KCNAB1: variants seen among roughly 807,000 people sequenced by gnomAD.
KCNAB1 encodes the protein voltage-gated potassium channel subunit beta-1.
A neutral mutation model predicts 64.6 loss-of-function variants in KCNAB1; 35 were observed. The ratio of observed to expected loss-of-function variants is 0.54; its 90% confidence interval spans 0.41 to 0.72. The LOEUF (loss-of-function observed/expected upper bound fraction) is 0.72, where lower values mean the gene tolerates loss of function less well. Ranked by LOEUF, KCNAB1 falls within the 30% of genes least tolerant of loss-of-function variation. The probability of loss-of-function intolerance (pLI) is 0.00; values close to 1 mark genes in which losing one functional copy is unlikely to be tolerated. For synonymous variants in KCNAB1, 177 were observed against 183.8 expected (o/e 0.96, Z 0.30); for missense variants, 401 against 512.9 (o/e 0.78, Z 2.11).
chr3:156,427,568 G>T (rs1452667785), intron 2 of KCNAB1, among the ~76,000 whole-genome samples: 1 of 152,160 alleles, frequency 6.6e-6, no homozygotes, highest in Non-Finnish European at 1.5e-5. Context: ...CAATTGCTAA[G>T]AAATGACAAA....
At chr3:156,248,054 C>A (rs1717572873) in intron 1 of KCNAB1, among the ~76,000 whole-genome samples, 1 of 152,144 alleles carries the variant, frequency 6.6e-6, no homozygotes, top group Non-Finnish European at 1.5e-5. Flanking sequence ...TCTTTTATCT[C>A]CCCAGTTCAT....
chr3:156,291,007 G>A (rs2107967212), intron 1 of KCNAB1: 1 of 985,748 alleles, frequency 1.0e-6, no homozygotes, highest in Non-Finnish European at 1.2e-6. Flanking sequence ...CGTGTTCCGC[G>A]GCATAAGCAC....
At position 156,194,417 on chromosome 3, in the gene KCNAB1, G is replaced by A. The variant is rs144259552; in HGVS notation, c.275+73531G>A. ...CTTCCACTATTTTCTGGCTTACATTGTTTCCTGTAATAAATCTATTCTCAT... is the reference window on the plus strand; with the variant it reads ...CTTCCACTATTTTCTGGCTTACATTATTTCCTGTAATAAATCTATTCTCAT... On this transcript the variant is annotated intron_variant, in intron 1 of 13. Coordinates refer to ENST00000490337, the MANE Select transcript of KCNAB1 (RefSeq NM_172160.3). 3.1e-3 allele frequency among the ~76,000 whole-genome samples: 477 copies of A among 152,030 alleles called. 2 individuals are homozygous for A. Among genetic ancestry groups the A allele is most frequent in the African/African-American group, 0.011 (452 of 41,506 alleles).
chr3:156,233,959 C>A (rs1716695057), intron 1 of KCNAB1, among the ~76,000 whole-genome samples: 1 of 151,586 alleles, frequency 6.6e-6, no homozygotes, highest in Non-Finnish European at 1.5e-5. Context: ...ATTATACACC[C>A]AAGCAGAGAC....
chr3:156,145,680 T>C (rs1446037206), intron 1 of KCNAB1, among the ~76,000 whole-genome samples: 1 of 152,146 alleles, frequency 6.6e-6, no homozygotes, highest in Non-Finnish European at 1.5e-5. Flanking sequence ...AAAATGGGCA[T>C]TGAAGTTAAA....
At chr3:156,177,501 G>A (rs1318297481) in intron 1 of KCNAB1, among the ~76,000 whole-genome samples, 2 of 151,728 alleles carry the variant, frequency 1.3e-5, no homozygotes, top group Admixed American at 6.6e-5. Flanking sequence ...CTCATACTCC[G>A]GAGTAGCTGG....
chr3:156,204,741 GAGA>G (rs1324362165), intron 1 of KCNAB1, among the ~76,000 whole-genome samples: 1 of 152,156 alleles, frequency 6.6e-6, no homozygotes, highest in Non-Finnish European at 1.5e-5. Context: ...GCTGAGGCAC[GAGA>G]ATCGTTGGAA....
chr3:156,401,080 T>G (rs1713858270), intron 1 of KCNAB1, among the ~76,000 whole-genome samples: 2 of 152,232 alleles, frequency 1.3e-5, no homozygotes, highest in Non-Finnish European at 2.9e-5. Flanking sequence ...TATATAATTC[T>G]TGTTTGCAGG....
chr3:156,348,263 C>G (rs554021311), intron 1 of KCNAB1, among the ~76,000 whole-genome samples: 16 of 152,210 alleles, frequency 1.1e-4, no homozygotes, highest in African/African-American at 3.9e-4. Context: ...ACAATGAGAA[C>G]AGAACATGCA....
intron 1 of KCNAB1, among the ~76,000 whole-genome samples, chr3:156,206,194 G>T (rs1714650799): frequency 6.6e-6 from 1 of 152,076 alleles, no homozygotes; most frequent in Non-Finnish European, 1.5e-5. Flanking sequence ...CAGATCCCTG[G>T]GGATCTGTCT....
intron 1 of KCNAB1, among the ~76,000 whole-genome samples, chr3:156,300,932 G>C (rs1451628370): frequency 6.6e-6 from 1 of 152,122 alleles, no homozygotes; most frequent in Non-Finnish European, 1.5e-5. Flanking sequence ...TTTAACATAG[G>C]AGGTTTAAAT....
chr3:156,372,642 A>G (rs1726390805), intron 1 of KCNAB1, among the ~76,000 whole-genome samples: 1 of 152,240 alleles, frequency 6.6e-6, no homozygotes, highest in Non-Finnish European at 1.5e-5. Context: ...AGTAGGTGTG[A>G]GCTATCATTT....
chr3:156,534,449 C>G (rs1444254375), intron 13 of KCNAB1, among the ~76,000 whole-genome samples: 1 of 152,138 alleles, frequency 6.6e-6, no homozygotes, highest in Non-Finnish European at 1.5e-5. Flanking sequence ...GCCTCTCCCC[C>G]TCCTCCCCAC....
chr3:156,192,888 G>GTAGC (rs1447042449), intron 1 of KCNAB1, among the ~76,000 whole-genome samples: 1 of 151,934 alleles, frequency 6.6e-6, no homozygotes, highest in Admixed American at 6.6e-5. Flanking sequence ...TATAGCTAAA[G>GTAGC]TAGCTCTCTT....
chr3:156,263,514 T>A (rs577877960), intron 1 of KCNAB1, among the ~76,000 whole-genome samples: 29 of 152,070 alleles, frequency 1.9e-4, no homozygotes, highest in Non-Finnish European at 1.8e-4. Context: ...ACCCTTTTAA[T>A]ATAGTAAGAC....
chr3:156,357,384 G>C (rs207463925), intron 1 of KCNAB1, among the ~76,000 whole-genome samples: 2 of 152,156 alleles, frequency 1.3e-5, no homozygotes, highest in Admixed American at 6.5e-5. Context: ...AATTTTTTAC[G>C]AGACCCTCAA....
intron 1 of KCNAB1, among the ~76,000 whole-genome samples, chr3:156,372,917 C>T (rs1270506814): frequency 6.6e-6 from 1 of 152,198 alleles, no homozygotes; most frequent in African/African-American, 2.4e-5. Context: ...CTCAGGTCCT[C>T]TCTGTTTTGA....
At chr3:156,265,120 C>T (rs900930042) in intron 1 of KCNAB1, among the ~76,000 whole-genome samples, 1 of 152,158 alleles carries the variant, frequency 6.6e-6, no homozygotes, top group Non-Finnish European at 1.5e-5. Context: ...CCTGGACCAC[C>T]TAATACTATG....
intron 1 of KCNAB1, among the ~76,000 whole-genome samples, chr3:156,406,356 A>G (rs1714246518): frequency 6.6e-6 from 1 of 152,140 alleles, no homozygotes. Flanking sequence ...AGGGACTGGA[A>G]TCTATCCTCA....
Sources: allele counts gnomAD v4.1 joint callset (sites outside exome capture counted in the v4.1 genomes callset), GRCh38; gene constraint gnomAD v4.1.1; transcripts MANE v1.5; gene names NCBI Gene and HGNC (gene_info 2026-07-23, HGNC 2026-07-21).